TMEM163: variants seen among roughly 807,000 people sequenced by gnomAD.
TMEM163 encodes transmembrane protein 163.
A neutral mutation model predicts 29.3 loss-of-function variants in TMEM163; 17 were observed. The ratio of observed to expected loss-of-function variants is 0.58; its 90% confidence interval spans 0.40 to 0.87. TMEM163 has a LOEUF of 0.87. TMEM163 is among the 40% of genes least tolerant of loss of function. The pLI, the probability that TMEM163 is intolerant of heterozygous loss-of-function variation, is 0.00. For synonymous variants in TMEM163, 157 were observed against 160.6 expected (o/e 0.98, Z 0.17); for missense variants, 303 against 381.5 (o/e 0.79, Z 1.71).
intron 5 of TMEM163, chr2:134,466,808 C>T (rs1427831275): frequency 2.6e-5 from 4 of 152,648 alleles, no homozygotes; most frequent in Non-Finnish European, 5.8e-5. Flanking sequence ...TATCTTAACA[C>T]TTCCTCTAAG....
Position 134,501,535 on chromosome 2 carries a change from A to C in TMEM163, c.555+1366T>G, listed in dbSNP as rs185033513. On this transcript the variant is annotated intron_variant, in intron 5 of 7. Transcript: ENST00000281924. Reference sequence around the variant, plus strand: ...CACCAACAAACATTTCTCAGAGTGGAGGCATATTTGCAAGGCCTATAAAAC... The same window carrying C: ...CACCAACAAACATTTCTCAGAGTGGCGGCATATTTGCAAGGCCTATAAAAC... Among the ~76,000 whole-genome samples, 216 of 152,338 alleles carry C rather than the reference A, an allele frequency of 1.4e-3. 1 individual carries two copies. Among genetic ancestry groups the C allele is most frequent in the South Asian group, 1.7e-3 (8 of 4,826 alleles).
chr2:134,663,971 T>G (rs1308641766), intron 2 of TMEM163, among the ~76,000 whole-genome samples: 1 of 152,250 alleles, frequency 6.6e-6, no homozygotes, highest in Admixed American at 6.5e-5. Context: ...AGTAGCCCTA[T>G]AGGCACAGGC....
chr2:134,680,612 G>T (rs149314439), intron 2 of TMEM163, among the ~76,000 whole-genome samples: 1 of 152,152 alleles, frequency 6.6e-6, no homozygotes, highest in African/African-American at 2.4e-5. Flanking sequence ...ACATTAATGC[G>T]CAAGGTTCTC....
At chr2:134,479,406 A>C (rs919705601) in intron 5 of TMEM163, among the ~76,000 whole-genome samples, 1 of 152,214 alleles carries the variant, frequency 6.6e-6, no homozygotes, top group Non-Finnish European at 1.5e-5. Context: ...GTGAAAAACA[A>C]CACCTTTACC....
At chr2:134,686,534 A>G (rs1299349454) in intron 2 of TMEM163, among the ~76,000 whole-genome samples, 1 of 152,024 alleles carries the variant, frequency 6.6e-6, no homozygotes, top group Non-Finnish European at 1.5e-5. Context: ...GTAAAAGAAA[A>G]CTCACCAACT....
intron 2 of TMEM163, among the ~76,000 whole-genome samples, chr2:134,600,895 C>A (rs1481337151): frequency 2.0e-5 from 3 of 152,108 alleles, no homozygotes; most frequent in Non-Finnish European, 4.4e-5. Context: ...TACATTTGCC[C>A]CATGAACTCA....
At chr2:134,704,470 G>A (rs993078781) in intron 2 of TMEM163, among the ~76,000 whole-genome samples, 8 of 152,072 alleles carry the variant, frequency 5.3e-5, no homozygotes, top group Non-Finnish European at 8.8e-5. Context: ...CAGCTTCCAG[G>A]TCCGTGTGGG....
intron 2 of TMEM163, among the ~76,000 whole-genome samples, chr2:134,689,807 T>G (rs769554006): frequency 6.6e-6 from 1 of 152,198 alleles, no homozygotes; most frequent in African/African-American, 2.4e-5. Context: ...CATTTTAACT[T>G]TATTTCAAAT....
chr2:134,594,877 CTCTCTA>C (rs150448188), intron 2 of TMEM163, among the ~76,000 whole-genome samples: 1 of 129,020 alleles, frequency 7.8e-6, no homozygotes, highest in Non-Finnish European at 1.7e-5. Context: ...CTCTCTCTCT[CTCTCTA>C]CTTCTCTCTC....
intron 2 of TMEM163, among the ~76,000 whole-genome samples, chr2:134,601,648 A>T (rs1009398971): frequency 1.3e-5 from 2 of 151,946 alleles, no homozygotes; most frequent in Non-Finnish European, 2.9e-5. Flanking sequence ...ACAAATGCTT[A>T]TGGAGTGCTT....
At position 134,653,104 on chromosome 2, in the gene TMEM163, T is replaced by C. The variant is rs1419910074; in HGVS notation, c.322+60096A>G. ...TTCCCTCTTTTTCTATTGATTGGAA[T>C]AGTTTCAGAAGGAATGGTACCAGTT... On this transcript the variant is annotated intron_variant, in intron 2 of 7. Coordinates refer to ENST00000281924, the MANE Select transcript of TMEM163 (RefSeq NM_030923.5). 3.4e-3 allele frequency among the ~76,000 whole-genome samples: 378 copies of C among 110,434 alleles called. 45 individuals are homozygous for C. The highest frequency in any genetic ancestry group is 0.017 in the African/African-American group (362 of 21,508). 72.4% of individuals were successfully genotyped at this position (110,434 alleles called of 152,430 possible).
chr2:134,712,645 C>T (rs990321190), intron 2 of TMEM163, among the ~76,000 whole-genome samples: 5 of 152,332 alleles, frequency 3.3e-5, no homozygotes, highest in African/African-American at 4.8e-5. Flanking sequence ...ACAGGATTAT[C>T]TGGCAGAAAC....
chr2:134,602,294 C>T (rs944725882), intron 2 of TMEM163, among the ~76,000 whole-genome samples: 2 of 152,158 alleles, frequency 1.3e-5, no homozygotes, highest in Admixed American at 1.3e-4. Flanking sequence ...TGACATCGTT[C>T]TGGTTAATTA....
At chr2:134,684,408 G>C (rs568339957) in intron 2 of TMEM163, among the ~76,000 whole-genome samples, 1 of 152,246 alleles carries the variant, frequency 6.6e-6, no homozygotes, top group South Asian at 2.1e-4. Context: ...TAATAATTCT[G>C]CGAGCATGAG....
chr2:134,472,482 T>G (rs2106476681), intron 5 of TMEM163, among the ~76,000 whole-genome samples: 1 of 152,348 alleles, frequency 6.6e-6, no homozygotes, highest in South Asian at 2.1e-4. Context: ...GAAAACAGTC[T>G]CTCATACAAT....
intron 2 of TMEM163, among the ~76,000 whole-genome samples, chr2:134,553,611 C>T (rs1680980507): frequency 1.3e-5 from 2 of 152,182 alleles, no homozygotes; most frequent in South Asian, 2.1e-4. Flanking sequence ...GAAACTCAGC[C>T]ATATTCAGGT....
chr2:134,635,439 A>G (rs1304279469), intron 2 of TMEM163, among the ~76,000 whole-genome samples: 1 of 152,082 alleles, frequency 6.6e-6, no homozygotes, highest in African/African-American at 2.4e-5. Context: ...TCCATCAATC[A>G]TCAGTTGAGT....
Position 134,460,901 on chromosome 2 carries a change from G to T in TMEM163, c.668-2728C>A, listed in dbSNP as rs1316845825. The stretch of plus-strand genomic sequence containing the variant: ...CCTTGCCTGGCTCGGCTCACCTTTT[G>T]TGATGACAGAGCCTGACTCATTTCA... On this transcript the variant is annotated intron_variant, in intron 6 of 7. Coordinates refer to ENST00000281924, the MANE Select transcript of TMEM163 (RefSeq NM_030923.5). The surrounding 1 kb of genome is among the most constrained non-coding windows in gnomAD (Gnocchi z 4.3). Among the ~76,000 whole-genome samples the T allele has an allele frequency of 6.6e-6, 1 of 152,226 alleles. No homozygotes were observed. The highest frequency in any genetic ancestry group is 1.9e-4 in the East Asian group (1 of 5,202).
chr2:134,477,072 G>A (rs192998483), intron 5 of TMEM163, among the ~76,000 whole-genome samples: 8 of 152,268 alleles, frequency 5.3e-5, no homozygotes, highest in African/African-American at 9.6e-5. Context: ...GCAGCATCTC[G>A]TAGTCTTTGG....
Sources: gnomAD v4.1 joint callset for allele counts (sites outside exome capture counted in the v4.1 genomes callset) on GRCh38, gnomAD v4.1.1 for gene constraint, Gnocchi (gnomAD v3.1) non-coding constraint, MANE v1.5 for transcripts, NCBI Gene and HGNC (gene_info 2026-07-23, HGNC 2026-07-21) for gene names.